EPS8L2: variants seen among roughly 807,000 people sequenced by gnomAD.
EPS8L2 encodes epidermal growth factor receptor kinase substrate 8-like protein 2.
A neutral mutation model predicts 99.4 loss-of-function variants in EPS8L2; 81 were observed. The observed-to-expected ratio is 0.82, with a 90% CI of 0.68 to 0.98. The LOEUF is 0.98. Ranked by LOEUF, EPS8L2 falls within the 50% of genes least tolerant of loss-of-function variation. The pLI is 0.00. For synonymous variants in EPS8L2, 509 were observed against 407.3 expected (o/e 1.25, Z -3.01); for missense variants, 1,155 against 968.8 (o/e 1.19, Z -2.55).
Position 722,796 on chromosome 11 carries a change from C to T in EPS8L2, c.1332C>T (p.Pro444=), listed in dbSNP as rs1862218589. Residue 444 remains proline (P), a synonymous_variant, in exon 14 of 21, where the codon CCC becomes CCT. Transcript: ENST00000318562. The part of the protein sequence containing the change: ...PWEVEGLASA[P]IEEVSPVSRQ... Reference sequence around the variant, plus strand: ...AGGTGGAGGGGCTGGCGTCTGCCCCCATCGAGGAGGTGAGAGCACCAGCAG... The same window carrying T: ...AGGTGGAGGGGCTGGCGTCTGCCCCTATCGAGGAGGTGAGAGCACCAGCAG... 1 of 1,577,582 alleles carries T rather than the reference C, an allele frequency of 6.3e-7. No homozygotes were observed. Among genetic ancestry groups the T allele is most frequent in the African/African-American group, 1.3e-5 (1 of 74,178 alleles).
At chr11:707,982 C>T (rs1861775433) in intron 1 of EPS8L2, among the ~76,000 whole-genome samples, 1 of 152,170 alleles carries the variant, frequency 6.6e-6, no homozygotes, top group African/African-American at 2.4e-5. Flanking sequence ...GAGGAAGTGG[C>T]CATACCCCCT....
chr11:713,381 T>C (rs1184549384), intron 4 of EPS8L2, among the ~76,000 whole-genome samples: 2 of 152,162 alleles, frequency 1.3e-5, no homozygotes, highest in Non-Finnish European at 2.9e-5. Context: ...CACCACAGTT[T>C]CTGTTTGTTT....
At chr11:725,610 G>C in intron 16 of EPS8L2, 118 bp from the exon 17 acceptor site, 2 of 991,958 alleles carry the variant, frequency 2.0e-6, no homozygotes, top group Non-Finnish European at 2.6e-6. Context: ...AGAGAATGGA[G>C]CGAAGCGGGG....
chr11:724,246 G>A lies in EPS8L2; in HGVS notation c.1455-478G>A, dbSNP rs950828600. Among the ~76,000 whole-genome samples the A allele has an allele frequency of 3.3e-5, 5 of 152,144 alleles. No individual in the cohort carries two copies. Among genetic ancestry groups the A allele is most frequent in the Admixed American group, 2.6e-4 (4 of 15,280 alleles). On this transcript the variant is annotated intron_variant, in intron 15 of 20. Coordinates refer to ENST00000318562, the MANE Select transcript of EPS8L2 (RefSeq NM_022772.4). The surrounding 1 kb of genome is among the most constrained non-coding windows in gnomAD (Gnocchi z 5.5). ...CCAGGGCCAGCCCCCCCGCGCTTTT[G>A]AGGTGCAGGTCCCACCCCACAGAGA...
chr11:720,945 G>A, intron 7 of EPS8L2, 36 bp downstream of exon 7: 2 of 1,492,310 alleles, frequency 1.3e-6, no homozygotes, highest in Non-Finnish European at 9.0e-7. Context: ...GCAGGGGGCG[G>A]GGAGGGGAGG....
In EPS8L2 at chr11:709,606, T is replaced by C. The variant is rs1861830484; in HGVS notation, c.98T>C (p.Phe33Ser). ...GCCAAGATGAGCCCCAAGGACCTGT[T>C]TGGTGAGTGAGGTTTGAGAACGGGC... The part of the protein sequence containing the change: ...GVAKMSPKDL[F>S]EQRKKYSNSN... The change falls in exon 3 of 21, where the codon TTT (phenylalanine) becomes TCT (serine). Residue 33 changes from phenylalanine to serine, a missense_variant and splice_region_variant. Transcript: ENST00000318562. 6.2e-7 allele frequency: 1 copy of C among 1,612,992 alleles called. No individual in the cohort carries two copies. Among genetic ancestry groups the C allele is most frequent in the Non-Finnish European group, 8.5e-7 (1 of 1,179,906 alleles).
rs1212379658 is a variant in EPS8L2 at position 720,681 on chromosome 11, C to T, written c.412C>T (p.Leu138Phe). 1 of 1,598,056 alleles carries T rather than the reference C, an allele frequency of 6.3e-7. No individual in the cohort carries two copies. The highest frequency in any genetic ancestry group is 1.7e-5 in the Admixed American group (1 of 57,292). The change falls in exon 6 of 21, where the codon CTC becomes TTC. Residue 138 changes from leucine (L) to phenylalanine (F), a missense_variant. Physicochemically the swap from Leu to Phe is conservative, Grantham distance 22 (BLOSUM62 0). Coordinates refer to ENST00000318562, the MANE Select transcript of EPS8L2 (RefSeq NM_022772.4). ...GCTGCGCTACCCGTCTGTGCTGCTG[C>T]TCGTGTGCCAGGACTCGGAGCAGAG... ...NQLRYPSVLL[L>F]VCQDSEQSKP...
intron 4 of EPS8L2, among the ~76,000 whole-genome samples, chr11:718,015 A>G (rs147403850): frequency 2.7e-5 from 4 of 150,802 alleles, no homozygotes; most frequent in Admixed American, 6.6e-5. Flanking sequence ...TTTCAAAAAA[A>G]AGAAAAAAAA....
At chr11:720,035 C>T (rs1215390618) in intron 4 of EPS8L2, 27 bp from the exon 5 acceptor site, 1 of 1,598,300 alleles carries the variant, frequency 6.3e-7, no homozygotes, top group East Asian at 2.3e-5. Flanking sequence ...GGGCTCTGCC[C>T]AGCAGTGACC....
At chr11:718,226 G>A (rs1420334672) in intron 4 of EPS8L2, among the ~76,000 whole-genome samples, 3 of 151,854 alleles carry the variant, frequency 2.0e-5, no homozygotes, top group Non-Finnish European at 1.5e-5. Flanking sequence ...CCACGTACTC[G>A]GGAAGCTGAA....
chr11:709,832 G>A, intron 3 of EPS8L2: 1 of 600,854 alleles, frequency 1.7e-6, no homozygotes, highest in Admixed American at 2.9e-5. Context: ...AATAATTCAG[G>A]GAGCATCAAT....
chr11:720,747 G>A lies in EPS8L2; in HGVS notation c.477+1G>A. On this transcript the variant is annotated splice_donor_variant, in intron 6 of 20. Coordinates refer to ENST00000318562, the MANE Select transcript of EPS8L2 (RefSeq NM_022772.4). LOFTEE classifies it high-confidence loss of function. ...CTTCTTCCACTGCGATGAGGTGGAGGTGAGGCGGTGCCGGGCGGGGCAGGG... is the reference window on the plus strand; with the variant it reads ...CTTCTTCCACTGCGATGAGGTGGAGATGAGGCGGTGCCGGGCGGGGCAGGG... 1.9e-6 allele frequency: 3 copies of A among 1,558,822 alleles called. No homozygotes were observed. Among genetic ancestry groups the A allele is most frequent in the Non-Finnish European group, 2.6e-6 (3 of 1,152,730 alleles).
chr11:721,051 C>A lies in EPS8L2; in HGVS notation c.558-13C>A, dbSNP rs564173778. 7.2e-7 allele frequency: 1 copy of A among 1,391,550 alleles called. No homozygotes were observed. The highest frequency in any genetic ancestry group is 2.5e-5 in the East Asian group (1 of 40,106). 86.2% of individuals were successfully genotyped at this position (1,391,550 alleles called of 1,614,324 possible). On this transcript the variant is annotated splice_polypyrimidine_tract_variant and intron_variant, in intron 7 of 20. Transcript: ENST00000318562. ...TTCCCGGCGGGGCTGAGCAGGACCC[C>A]CTCGCCCTCCAGGGGACACCAGGAG... is the stretch of plus-strand genomic sequence containing the variant.
Position 725,805 on chromosome 11 carries a change from A to G in EPS8L2, c.1638A>G (p.Leu546=), listed in dbSNP as rs1862298679. ...GQAGYVPCNI[L]GEARPEDAGA... ...CGGGGTACGTGCCCTGCAACATCCTAGGCGAGGCGCGACCGGAGGACGCCG... is the reference window on the plus strand; with the variant it reads ...CGGGGTACGTGCCCTGCAACATCCTGGGCGAGGCGCGACCGGAGGACGCCG... Residue 546 remains leucine (L), a synonymous_variant, in exon 17 of 21, where the codon CTA becomes CTG. Transcript: ENST00000318562. 1.4e-6 allele frequency: 2 copies of G among 1,388,452 alleles called. No homozygotes were observed. Among genetic ancestry groups the G allele is most frequent in the Non-Finnish European group, 1.9e-6 (2 of 1,076,328 alleles). The allele number at this position is 1,388,452 out of a possible 1,614,324, so 86.0% of individuals were successfully genotyped here. A position where few individuals can be genotyped will look rare whatever the true frequency, so the allele number is the denominator to read the frequency against.
rs538021221 is a variant in EPS8L2 at position 724,624 on chromosome 11, G to A, written c.1455-100G>A. On this transcript the variant is annotated intron_variant, in intron 15 of 20. Coordinates refer to ENST00000318562, the MANE Select transcript of EPS8L2 (RefSeq NM_022772.4). This position sits in a 1 kb window ranked among gnomAD's most constrained non-coding sequence, Gnocchi z 5.5. The stretch of plus-strand genomic sequence containing the variant: ...TGACCTCCAGAACAGAAAAGAGGCA[G>A]CCAGTCGTGCACCTGGGAAGCTGCT... 6.1e-5 allele frequency: 48 copies of A among 789,292 alleles called. No individual in the cohort carries two copies. In the South Asian group the frequency reaches 6.7e-4, roughly 11 times the overall value. The allele number at this position is 789,292 out of a possible 1,614,324, so 48.9% of individuals were successfully genotyped here.
chr11:722,062 G>A (rs376680502), intron 11 of EPS8L2, 29 bp from the exon 12 acceptor site: 41 of 1,602,712 alleles, frequency 2.6e-5, no homozygotes, highest in African/African-American at 5.4e-5. Flanking sequence ...GCCCCGCCCC[G>A]GCACCTGCTC....
At chr11:717,020 A>C (rs1301449421) in intron 4 of EPS8L2, among the ~76,000 whole-genome samples, 1 of 152,156 alleles carries the variant, frequency 6.6e-6, no homozygotes, top group African/African-American at 2.4e-5. Flanking sequence ...TCTGTTGCCC[A>C]GGCTGGAATG....
intron 10 of EPS8L2, 67 bp downstream of exon 10, chr11:721,758 C>T (rs1459530019): frequency 1.4e-5 from 21 of 1,548,410 alleles, no homozygotes; most frequent in African/African-American, 5.5e-5. Flanking sequence ...GGGACAGGGA[C>T]GGGGACGGGG....
At chr11:722,913 C>T in intron 14 of EPS8L2, 108 bp downstream of exon 14, 1 of 653,568 alleles carries the variant, frequency 1.5e-6, no homozygotes, top group Admixed American at 3.3e-5. Context: ...CCCCCCCCAG[C>T]CCTGACACCC....
Sources: gnomAD v4.1 joint callset for allele counts (sites outside exome capture counted in the v4.1 genomes callset) on GRCh38, gnomAD v4.1.1 for gene constraint, Gnocchi (gnomAD v3.1) non-coding constraint, MANE v1.5 for transcripts, NCBI Gene and HGNC (gene_info 2026-07-23, HGNC 2026-07-21) for gene names.